Variants in AUTS2 observed in about 807,000 individuals in gnomAD.
AUTS2 encodes activator of transcription and developmental regulator AUTS2.
AUTS2 carries 17 observed loss-of-function variants against 112.4 expected under a neutral mutation model. The observed-to-expected ratio is 0.15, with a 90% CI of 0.10 to 0.23. The LOEUF (loss-of-function observed/expected upper bound fraction) is 0.23. AUTS2 is among the 10% of genes least tolerant of loss of function. The pLI is 1.00. For missense variants in AUTS2, 1,510 were observed against 1,701.6 expected (o/e 0.89, Z 1.98); for synonymous variants, 751 against 702.7 (o/e 1.07, Z -1.09).
At chr7:70,600,727 A>G (rs1200251266) in intron 5 of AUTS2, among the ~76,000 whole-genome samples, 2 of 152,180 alleles carry the variant, frequency 1.3e-5, no homozygotes, top group African/African-American at 4.8e-5. Flanking sequence ...GCAGCCACTC[A>G]TCTGCTTTCT....
At chr7:70,627,683 C>T (rs916325174) in intron 5 of AUTS2, among the ~76,000 whole-genome samples, 24 of 152,214 alleles carry the variant, frequency 1.6e-4, no homozygotes, top group African/African-American at 5.8e-4. Flanking sequence ...ATTCTCCATC[C>T]AATTCCGAGC....
intron 1 of AUTS2, chr7:69,824,769 G>A (rs746599337): frequency 1.3e-5 from 2 of 152,170 alleles, no homozygotes; most frequent in Non-Finnish European, 2.9e-5. Flanking sequence ...CTTCTGGCTT[G>A]AGTTTATATG....
intron 6 of AUTS2, among the ~76,000 whole-genome samples, chr7:70,755,553 G>A (rs1036830234): frequency 6.6e-6 from 1 of 151,958 alleles, no homozygotes; most frequent in African/African-American, 2.4e-5. Flanking sequence ...TGTAATCCCA[G>A]CTACTCGGAA....
intron 1 of AUTS2, among the ~76,000 whole-genome samples, chr7:69,854,009 A>G (rs1584343884): frequency 2.6e-5 from 4 of 152,146 alleles, no homozygotes; most frequent in Admixed American, 2.6e-4. Context: ...CCTTATAGGA[A>G]TGAAAATTTA....
chr7:69,910,762 G>A (rs959114982), intron 2 of AUTS2, among the ~76,000 whole-genome samples: 2 of 152,076 alleles, frequency 1.3e-5, no homozygotes, highest in African/African-American at 4.8e-5. Context: ...CAAGTAGCTG[G>A]GACTACAGGC....
intron 2 of AUTS2, among the ~76,000 whole-genome samples, chr7:70,059,786 C>A (rs1259576880): frequency 6.6e-6 from 1 of 152,122 alleles, no homozygotes; most frequent in Non-Finnish European, 1.5e-5. Flanking sequence ...TTAGTGAGGC[C>A]ATAGGAACCC....
intron 5 of AUTS2, among the ~76,000 whole-genome samples, chr7:70,614,681 C>T (rs776793718): frequency 2.0e-5 from 3 of 152,294 alleles, no homozygotes; most frequent in Admixed American, 6.5e-5. Context: ...CTGGGTCTGG[C>T]GCATCAGGGC....
intron 5 of AUTS2, among the ~76,000 whole-genome samples, chr7:70,624,562 T>G (rs796162566): frequency 3.3e-5 from 5 of 152,326 alleles, no homozygotes; most frequent in African/African-American, 1.2e-4. Context: ...GTAGTCTCTA[T>G]GCAAGCCCCA....
Position 70,408,716 on chromosome 7 carries a change from C to A in AUTS2, c.661-27036C>A, listed in dbSNP as rs181135517. On this transcript the variant is annotated intron_variant, in intron 4 of 18. Coordinates refer to ENST00000342771, the MANE Select transcript of AUTS2 (RefSeq NM_015570.4). ...GAGTGAAAATATTCAGGTACTCTTACACCTAGAGATCATGGAGAGAAGTAG... is the reference window on the plus strand; with the variant it reads ...GAGTGAAAATATTCAGGTACTCTTAAACCTAGAGATCATGGAGAGAAGTAG... Among the ~76,000 whole-genome samples, 27 of 152,320 alleles carry A rather than the reference C, an allele frequency of 1.8e-4. No individual in the cohort carries two copies. In the East Asian group the frequency reaches 5.0e-3, roughly 28 times the overall value.
In AUTS2 at chr7:69,598,836, C is replaced by G. The variant is rs1456114784; in HGVS notation, c.-818C>G. 1.3e-5 allele frequency: 2 copies of G among 151,058 alleles called. No individual in the cohort carries two copies. The highest frequency in any genetic ancestry group is 2.9e-5 in the Non-Finnish European group (2 of 68,034). The allele number at this position is 151,058 out of a possible 1,614,324, so 9.4% of individuals were successfully genotyped here. A position where few individuals can be genotyped will look rare whatever the true frequency, so the allele number is the denominator to read the frequency against. ...TTCTCTTCTTTCATCTCCCTCTCCT[C>G]CCCCCTCGAAGACCGAAAAGCAAAC... is the stretch of plus-strand genomic sequence containing the variant. On this transcript the variant is annotated 5_prime_UTR_variant, in exon 1 of 19. Transcript: ENST00000342771.
intron 1 of AUTS2, among the ~76,000 whole-genome samples, chr7:69,776,283 CTG>C (rs1266236901): frequency 2.0e-5 from 3 of 152,176 alleles, no homozygotes; most frequent in African/African-American, 7.2e-5. Flanking sequence ...CCTATATGGA[CTG>C]TGCTTTCTAG....
intron 5 of AUTS2, among the ~76,000 whole-genome samples, chr7:70,650,353 C>T (rs149242031): frequency 8.5e-5 from 13 of 152,312 alleles, no homozygotes; most frequent in African/African-American, 2.9e-4. Context: ...CACAGCATGG[C>T]GCCATGCAGT....
chr7:70,643,150 C>G (rs1035385964), intron 5 of AUTS2, among the ~76,000 whole-genome samples: 1 of 152,242 alleles, frequency 6.6e-6, no homozygotes. Flanking sequence ...TCTGATGGCT[C>G]TCGCCACTTT....
chr7:69,706,723 A>C (rs1372959246), intron 1 of AUTS2, among the ~76,000 whole-genome samples: 1 of 152,024 alleles, frequency 6.6e-6, no homozygotes, highest in Non-Finnish European at 1.5e-5. Context: ...TGTAATTATC[A>C]GGTAATTTAT....
rs1396123103 is a variant in AUTS2 at position 69,599,468 on chromosome 7, C to G, written c.-186C>G. 2.1e-6 allele frequency: 1 copy of G among 473,268 alleles called. No homozygotes were observed. Among genetic ancestry groups the G allele is most frequent in the Non-Finnish European group, 3.3e-6 (1 of 302,508 alleles). 29.3% of individuals were successfully genotyped at this position (473,268 alleles called of 1,614,324 possible). ...CCCTCCTCCCCTCTCTCCGCCCCTT[C>G]CCCCTTTTCTTTCTCCTCTCTTTCT... On this transcript the variant is annotated 5_prime_UTR_variant, in exon 1 of 19. Coordinates refer to ENST00000342771, the MANE Select transcript of AUTS2 (RefSeq NM_015570.4). This position sits in a 1 kb window ranked among gnomAD's most constrained non-coding sequence, Gnocchi z 7.0.
chr7:70,706,304 C>G (rs531825984), intron 6 of AUTS2, among the ~76,000 whole-genome samples: 35 of 152,290 alleles, frequency 2.3e-4, no homozygotes, highest in African/African-American at 8.2e-4. Flanking sequence ...GAGACAGAAA[C>G]AGAGAATGCC....
intron 1 of AUTS2, among the ~76,000 whole-genome samples, chr7:69,606,037 A>T (rs1792694965): frequency 6.6e-6 from 1 of 152,222 alleles, no homozygotes; most frequent in Non-Finnish European, 1.5e-5. Context: ...GAGATTAACT[A>T]CTTGCACCTT....
chr7:70,016,065 T>A (rs1800014490), intron 2 of AUTS2, among the ~76,000 whole-genome samples: 1 of 152,112 alleles, frequency 6.6e-6, no homozygotes, highest in African/African-American at 2.4e-5. Flanking sequence ...TTCATTAGCT[T>A]GGAAAGCAAA....
intron 6 of AUTS2, among the ~76,000 whole-genome samples, chr7:70,722,879 C>G (rs1198201837): frequency 2.6e-5 from 4 of 152,130 alleles, no homozygotes; most frequent in African/African-American, 9.7e-5. Context: ...TAAATATTGT[C>G]TTATTTTTAC....
Sources: gnomAD v4.1 joint callset for allele counts (sites outside exome capture counted in the v4.1 genomes callset) on GRCh38, gnomAD v4.1.1 for gene constraint, Gnocchi (gnomAD v3.1) non-coding constraint, MANE v1.5 for transcripts, NCBI Gene and HGNC (gene_info 2026-07-23, HGNC 2026-07-21) for gene names.